Variants in WNT16 observed in about 807,000 individuals in gnomAD.
The protein encoded by WNT16 is protein Wnt-16.
A neutral mutation model predicts 35.4 loss-of-function variants in WNT16; 20 were observed. The ratio of observed to expected loss-of-function variants is 0.56; its 90% CI spans 0.40 to 0.82. The LOEUF (loss-of-function observed/expected upper bound fraction) is 0.82. Ranked by LOEUF, WNT16 falls within the 40% of genes least tolerant of loss-of-function variation. The pLI is 0.00. For synonymous variants in WNT16, 180 were observed against 179.2 expected, an observed-to-expected ratio of 1.00 and a Z score of -0.03; for missense variants, 461 against 466.0, an observed-to-expected ratio of 0.99 and a Z score of 0.10.
chr7:121,334,783 CA>C (rs1793414084), intron 3 of WNT16, among the ~76,000 whole-genome samples: 1 of 152,026 alleles, frequency 6.6e-6, no homozygotes, highest in African/African-American at 2.4e-5. Flanking sequence ...TGATGTCTTC[CA>C]GGGGCAGAAC....
chr7:121,335,986 T>TTGTG (rs36224614), intron 3 of WNT16, among the ~76,000 whole-genome samples: 4,140 of 140,226 alleles, frequency 0.03, 71 homozygotes, highest in African/African-American at 0.043. Flanking sequence ...GAATTAAACT[T>TTGTG]TGTGTGTGTG....
intron 3 of WNT16, 145 bp downstream of exon 3, chr7:121,332,109 T>G: frequency 1.0e-6 from 1 of 971,450 alleles, no homozygotes; most frequent in Non-Finnish European, 1.5e-6. Flanking sequence ...ATATTGTTTT[T>G]AAAAGACTAC....
upstream of WNT16, among the ~76,000 whole-genome samples, chr7:121,325,919 T>C (rs1222548833): frequency 6.6e-6 from 1 of 151,416 alleles, no homozygotes; most frequent in Non-Finnish European, 1.5e-5. Context: ...TGCACACTTG[T>C]AGTCCCAGCT....
chr7:121,339,278 T>C lies in WNT16; in HGVS notation c.1031T>C (p.Phe344Ser), dbSNP rs1793494826. Residue 344 changes from phenylalanine (F) to serine (S), a missense_variant, in exon 4 of 4, where the codon TTC becomes TCC. Phe to Ser is a radical substitution (Grantham distance 155, BLOSUM62 -2). Coordinates refer to ENST00000222462, the MANE Select transcript of WNT16 (RefSeq NM_057168.2). The part of the protein sequence containing the change: ...VRHVERCECK[F>S]IWCCYVRCRR... ...CACGTGGAGAGGTGTGAGTGTAAGT[T>C]CATCTGGTGCTGCTATGTCCGTTGC... The C allele has an allele frequency of 1.2e-6, 2 of 1,614,166 alleles. No homozygotes were observed. Among genetic ancestry groups the C allele is most frequent in the Non-Finnish European group, 1.7e-6 (2 of 1,180,026 alleles).
intron 3 of WNT16, among the ~76,000 whole-genome samples, chr7:121,335,602 A>G (rs1793430975): frequency 6.6e-6 from 1 of 152,132 alleles, no homozygotes; most frequent in South Asian, 2.1e-4. Flanking sequence ...CTGTTAACAG[A>G]AAATTATGGT....
chr7:121,333,487 T>C (rs1190387609), intron 3 of WNT16, among the ~76,000 whole-genome samples: 1 of 152,002 alleles, frequency 6.6e-6, no homozygotes, highest in Non-Finnish European at 1.5e-5. Context: ...AAAGTTATTT[T>C]ATTTCACTAG....
At position 121,338,887 on chromosome 7, in the gene WNT16, G is replaced by A. The variant is rs193080234; in HGVS notation, c.640G>A (p.Ala214Thr). Reference sequence around the variant, plus strand: ...CAATTACTGTTGGTTTCAGGCTGTCGCCAAGTTGATGTCAGTAGACTGCCG... The same window carrying A: ...CAATTACTGTTGGTTTCAGGCTGTCACCAAGTTGATGTCAGTAGACTGCCG... ...HNNEAGRQAVAKLMSVDCRCH... is the reference protein window; with the variant it reads ...HNNEAGRQAVTKLMSVDCRCH... The change falls in exon 4 of 4, where the codon GCC becomes ACC. Residue 214 changes from alanine (A) to threonine (T), a missense_variant. By Grantham distance (58) the Ala-to-Thr change is moderately conservative. Transcript: ENST00000222462. The A allele has an allele frequency of 7.9e-5, 128 of 1,611,260 alleles. No homozygotes were observed. The Admixed American group carries it at 2.0e-3, about 25-fold the overall frequency.
At position 121,329,875 on chromosome 7, in the gene WNT16, G is replaced by T. The variant is rs147496912; in HGVS notation, c.346+58G>T. ...ACGGAAGGCGACAACTCCTCCACCG[G>T]TTCCTGCAAATAAAGTAAATAGTGC... On this transcript the variant is annotated intron_variant, in intron 2 of 3. Coordinates refer to ENST00000222462, the MANE Select transcript of WNT16 (RefSeq NM_057168.2). 11,631 of 1,576,678 alleles carry T rather than the reference G, an allele frequency of 7.4e-3. 51 individuals are homozygous for T. Among genetic ancestry groups the T allele is most frequent in the Middle Eastern group, 0.013 (57 of 4,368 alleles).
At chr7:121,328,460 T>C (rs1237938159), upstream of WNT16, among the ~76,000 whole-genome samples, 2 of 152,144 alleles carry the variant, frequency 1.3e-5, no homozygotes. Context: ...AATAAATGCA[T>C]ACATAAATGA....
chr7:121,331,137 G>T (rs950689875), intron 2 of WNT16, among the ~76,000 whole-genome samples: 1 of 152,034 alleles, frequency 6.6e-6, no homozygotes, highest in Non-Finnish European at 1.5e-5. Flanking sequence ...GAAAATATAC[G>T]GTACCGTTTA....
intron 3 of WNT16, among the ~76,000 whole-genome samples, chr7:121,334,769 G>A (rs945636254): frequency 2.0e-5 from 3 of 152,114 alleles, no homozygotes; most frequent in African/African-American, 7.2e-5. Context: ...CTAACGGAAT[G>A]ATGTGATGTC....
intron 3 of WNT16, among the ~76,000 whole-genome samples, chr7:121,333,548 C>T (rs1441033197): frequency 2.6e-5 from 4 of 151,762 alleles, no homozygotes; most frequent in Non-Finnish European, 4.4e-5. Context: ...TAAGGTTTTA[C>T]ATTTAAAAAA....
Position 121,339,766 on chromosome 7 carries a change from T to C in WNT16, c.*421T>C, listed in dbSNP as rs1793503933. ...AGTCATTTTTAAAAGACACCTCTTA[T>C]AGCAATAAGGAGACATTAACATGAA... is the stretch of plus-strand genomic sequence containing the variant. On this transcript the variant is annotated 3_prime_UTR_variant, in exon 4 of 4. Coordinates refer to ENST00000222462, the MANE Select transcript of WNT16 (RefSeq NM_057168.2). The C allele has an allele frequency of 3.2e-6, 1 of 312,820 alleles. No individual in the cohort carries two copies. The highest frequency in any genetic ancestry group is 4.9e-5 in the East Asian group (1 of 20,526). 19.4% of individuals were successfully genotyped at this position (312,820 alleles called of 1,614,324 possible). A position where few individuals can be genotyped will look rare whatever the true frequency, so the allele number is the denominator to read the frequency against.
In WNT16 at chr7:121,338,984, G is replaced by T. The variant is rs1446960983; in HGVS notation, c.737G>T (p.Gly246Val). 2.5e-6 allele frequency: 4 copies of T among 1,613,970 alleles called. No homozygotes were observed. In the African/African-American group the frequency reaches 5.3e-5, roughly 22 times the overall value. Residue 246 changes from glycine (G) to valine (V), a missense_variant, in exon 4 of 4, where the codon GGC becomes GTC. By Grantham distance (109) the Gly-to-Val change is moderately radical. Coordinates refer to ENST00000222462, the MANE Select transcript of WNT16 (RefSeq NM_057168.2). ...WKTMSSFEKI[G>V]HLLKDKYENS... ...ACCATGTCTTCTTTTGAAAAGATTG[G>T]CCATTTGTTGAAGGATAAATATGAA...
chr7:121,334,764 G>A (rs557729142), intron 3 of WNT16, among the ~76,000 whole-genome samples: 3 of 152,174 alleles, frequency 2.0e-5, no homozygotes, highest in Non-Finnish European at 2.9e-5. Flanking sequence ...ATTGGCTAAC[G>A]GAATGATGTG....
In WNT16 at chr7:121,329,248, G is replaced by A; in HGVS notation, c.-45G>A. 6.7e-7 allele frequency: 1 copy of A among 1,501,582 alleles called. No individual in the cohort carries two copies. Among genetic ancestry groups the A allele is most frequent in the Non-Finnish European group, 8.9e-7 (1 of 1,124,802 alleles). 93.0% of individuals were successfully genotyped at this position (1,501,582 alleles called of 1,614,324 possible). On this transcript the variant is annotated 5_prime_UTR_variant, in exon 1 of 4. It adds an upstream start codon to the 5' untranslated region. Coordinates refer to ENST00000222462, the MANE Select transcript of WNT16 (RefSeq NM_057168.2). ...GGCCCGAAGGGCCTCTGGGGAGGGGGTGCAAAAGAGGAGCGGCTGGGCTGG... is the reference window on the plus strand; with the variant it reads ...GGCCCGAAGGGCCTCTGGGGAGGGGATGCAAAAGAGGAGCGGCTGGGCTGG...
At chr7:121,328,018 A>G (rs1793270758), upstream of WNT16, among the ~76,000 whole-genome samples, 1 of 152,158 alleles carries the variant, frequency 6.6e-6, no homozygotes, top group Admixed American at 6.5e-5. Context: ...TGTATGGTTT[A>G]TTTGTACAGT....
rs564883685 is a variant in WNT16, at chr7:121,337,918, T to C, written c.634-963T>C. On this transcript the variant is annotated intron_variant, in intron 3 of 3. Transcript: ENST00000222462. ...TTACATAAACATTATCCCCTTTGTA[T>C]TTTCCATGCTAGGATAATGCTACTG... Among the ~76,000 whole-genome samples the C allele has an allele frequency of 5.9e-5, 9 of 152,340 alleles. No individual in the cohort carries two copies. The East Asian group carries it at 1.7e-3, about 29-fold the overall frequency.
At chr7:121,333,622 A>T (rs1003965991) in intron 3 of WNT16, among the ~76,000 whole-genome samples, 1 of 152,020 alleles carries the variant, frequency 6.6e-6, no homozygotes, top group African/African-American at 2.4e-5. Flanking sequence ...TATTATTTCT[A>T]GCATATTAAT....
Sources: allele counts gnomAD v4.1 joint callset (sites outside exome capture counted in the v4.1 genomes callset), GRCh38; gene constraint gnomAD v4.1.1; transcripts MANE v1.5; gene names NCBI Gene and HGNC (gene_info 2026-07-23, HGNC 2026-07-21).